Variants in CSF3R observed in about 807,000 individuals in gnomAD.
CSF3R encodes the protein colony stimulating factor 3 receptor, also known as granulocyte colony-stimulating factor receptor.
In CSF3R, 52 loss-of-function variants were observed where a neutral mutation model predicts 84.4. The observed-to-expected ratio is 0.62, with a 90% CI of 0.49 to 0.78. The LOEUF (loss-of-function observed/expected upper bound fraction) is 0.78. Ranked by LOEUF, CSF3R falls within the 30% of genes least tolerant of loss-of-function variation. CSF3R has a pLI of 0.00. For synonymous variants in CSF3R, 384 were observed against 429.1 expected (o/e 0.89, Z 1.30); for missense variants, 890 against 1,055.7 (o/e 0.84, Z 2.17).
intron 3 of CSF3R, 148 bp downstream of exon 3, chr1:36,479,285 A>G (rs1651370152): frequency 1.2e-6 from 1 of 816,978 alleles, no homozygotes; most frequent in Non-Finnish European, 2.1e-6. Context: ...TGGGTGGGAG[A>G]CCAGCTACCC....
rs3918018 is a variant in CSF3R, at chr1:36,472,277, C to T, written c.958G>A (p.Asp320Asn). ...CTCAGCTCCAGGCTGGGGCTCCAGTCGCTCCAGTGGCCAGGCAGGGGCCAG... is the reference window on the plus strand; with the variant it reads ...CTCAGCTCCAGGCTGGGGCTCCAGTTGCTCCAGTGGCCAGGCAGGGGCCAG... ...IRWPLPGHWSDWSPSLELRTT... is the reference protein window; with the variant it reads ...IRWPLPGHWSNWSPSLELRTT... Residue 320 changes from aspartate to asparagine, a missense_variant, in exon 8 of 17, where the codon GAC becomes AAC. Asp to Asn is a conservative substitution (Grantham distance 23). Coordinates refer to ENST00000373106, the MANE Select transcript of CSF3R (RefSeq NM_000760.4). The surrounding 1 kb of genome is among the most constrained non-coding windows in gnomAD (Gnocchi z 5.0). 0.026 allele frequency: 41,354 copies of T among 1,614,142 alleles called. 624 individuals are homozygous for T. The highest frequency in any genetic ancestry group is 0.031 in the Non-Finnish European group (36,043 of 1,180,022).
intron 2 of CSF3R, chr1:36,479,863 G>A: frequency 2.8e-6 from 1 of 362,702 alleles, no homozygotes; most frequent in Non-Finnish European, 5.4e-6. Flanking sequence ...AGCAGAACCT[G>A]AGATGAGGAA....
At chr1:36,470,699 G>A (rs1424780362) in intron 10 of CSF3R, among the ~76,000 whole-genome samples, 1 of 152,182 alleles carries the variant, frequency 6.6e-6, no homozygotes, top group African/African-American at 2.4e-5. Flanking sequence ...GGAAAGCAGT[G>A]GGTGGTGGCA....
At position 36,468,100 on chromosome 1, in the gene CSF3R, C is replaced by T. The variant is rs756733083; in HGVS notation, c.1698G>A (p.Trp566Ter). ...KSPLTHYTIFWTNAQNQSFSA... is the reference protein window; with the variant it reads ...KSPLTHYTIF ...AGAAGGACTGGTTCTGAGCGTTGGTCCAGAAGATGGTGTAGTGGGTAAGGG... is the reference window on the plus strand; with the variant it reads ...AGAAGGACTGGTTCTGAGCGTTGGTTCAGAAGATGGTGTAGTGGGTAAGGG... Residue 566 changes from tryptophan to a stop codon, truncating the protein, a stop_gained, in exon 13 of 17, where the codon TGG becomes TGA. Coordinates refer to ENST00000373106, the MANE Select transcript of CSF3R (RefSeq NM_000760.4). LOFTEE classifies it high-confidence loss of function. 2 of 1,614,222 alleles carry T rather than the reference C, an allele frequency of 1.2e-6. No individual in the cohort carries two copies. Among genetic ancestry groups the T allele is most frequent in the Non-Finnish European group, 8.5e-7 (1 of 1,180,044 alleles).
Position 36,467,521 on chromosome 1 carries a change from G to T in CSF3R, c.1958+37C>A. 6.3e-7 allele frequency: 1 copy of T among 1,591,436 alleles called. No homozygotes were observed. The highest frequency in any genetic ancestry group is 8.6e-7 in the Non-Finnish European group (1 of 1,160,308). ...CTGGACCTGAGGTTCCCTGTGGGTGGGGGAAGCAGGATCTCAGGTCTCTCA... is the reference window on the plus strand; with the variant it reads ...CTGGACCTGAGGTTCCCTGTGGGTGTGGGAAGCAGGATCTCAGGTCTCTCA... On this transcript the variant is annotated intron_variant, in intron 15 of 16. Coordinates refer to ENST00000373106, the MANE Select transcript of CSF3R (RefSeq NM_000760.4). The surrounding 1 kb of genome is among the most constrained non-coding windows in gnomAD (Gnocchi z 4.1).
rs746383447 is a variant in CSF3R at position 36,472,332 on chromosome 1, C to T, written c.903G>A (p.Thr301=). 5.4e-5 allele frequency: 87 copies of T among 1,614,044 alleles called. No homozygotes were observed. Among genetic ancestry groups the T allele is most frequent in the Middle Eastern group, 1.6e-4 (1 of 6,084 alleles). The change falls in exon 8 of 17, where the codon ACG becomes ACA. Residue 301 remains threonine (T), a synonymous_variant. Transcript: ENST00000373106. This position sits in a 1 kb window ranked among gnomAD's most constrained non-coding sequence, Gnocchi z 5.0. The part of the protein sequence containing the change: ...QYELCGLLPA[T]AYTLQIRCIR... ...TGCAGCGTATCTGCAGGGTGTAGGCCGTGGCTGGGAGGAGCCCGCAGAGCT... is the reference window on the plus strand; with the variant it reads ...TGCAGCGTATCTGCAGGGTGTAGGCTGTGGCTGGGAGGAGCCCGCAGAGCT...
At chr1:36,474,688 T>G (rs1651012141) in intron 4 of CSF3R, among the ~76,000 whole-genome samples, 1 of 152,140 alleles carries the variant, frequency 6.6e-6, no homozygotes, top group South Asian at 2.1e-4. Context: ...AACTCCATCC[T>G]GCTCAGTTTG....
Position 36,479,181 on chromosome 1 carries a change from G to C in CSF3R, c.64+252C>G, listed in dbSNP as rs3918009. The C allele has an allele frequency of 1.4e-3, 801 of 555,524 alleles. 5 individuals carry two copies. Among genetic ancestry groups the C allele is most frequent in the Middle Eastern group, 8.0e-3 (16 of 1,990 alleles). 34.4% of individuals were successfully genotyped at this position (555,524 alleles called of 1,614,324 possible). On this transcript the variant is annotated intron_variant, in intron 3 of 16. Coordinates refer to ENST00000373106, the MANE Select transcript of CSF3R (RefSeq NM_000760.4). ...TTCTGACAGCTTGGTAGAGATTTGC[G>C]GACAAGATCTGCGCCTCACTGGCCT... is the stretch of plus-strand genomic sequence containing the variant.
At chr1:36,478,550 C>CA (rs1262824486) in intron 3 of CSF3R, among the ~76,000 whole-genome samples, 2 of 151,176 alleles carry the variant, frequency 1.3e-5, no homozygotes, top group Non-Finnish European at 3.0e-5. Flanking sequence ...AAACAAAAAC[C>CA]AAAAAACATG....
chr1:36,475,856 T>C, intron 3 of CSF3R, 183 bp from the exon 4 acceptor site: 1 of 605,874 alleles, frequency 1.7e-6, no homozygotes, highest in Non-Finnish European at 2.9e-6. Flanking sequence ...GACACAGAGA[T>C]AGTGATGTGC....
intron 1 of CSF3R, among the ~76,000 whole-genome samples, chr1:36,482,336 G>A (rs1397007022): frequency 1.3e-5 from 2 of 151,712 alleles, no homozygotes; most frequent in African/African-American, 2.4e-5. Flanking sequence ...CCTGGAGCCC[G>A]GGAAGCGTCT....
Position 36,472,798 on chromosome 1 carries a change from A to T in CSF3R, c.674-112T>A, listed in dbSNP as rs750600979. 7 of 1,296,516 alleles carry T rather than the reference A, an allele frequency of 5.4e-6. No homozygotes were observed. Among genetic ancestry groups the T allele is most frequent in the Non-Finnish European group, 7.3e-6 (7 of 965,318 alleles). The allele number at this position is 1,296,516 out of a possible 1,614,324, so 80.3% of individuals were successfully genotyped here. A position where few individuals can be genotyped will look rare whatever the true frequency, so the allele number is the denominator to read the frequency against. On this transcript the variant is annotated intron_variant, in intron 6 of 16. Coordinates refer to ENST00000373106, the MANE Select transcript of CSF3R (RefSeq NM_000760.4). The surrounding 1 kb of genome is among the most constrained non-coding windows in gnomAD (Gnocchi z 5.0). Reference sequence around the variant, plus strand: ...TCACCATCTGTCCACGTTGCCAATGACACGTTTCTGTGGTTCGATCTCTAT... The same window carrying T: ...TCACCATCTGTCCACGTTGCCAATGTCACGTTTCTGTGGTTCGATCTCTAT...
intron 3 of CSF3R, 48 bp from the exon 4 acceptor site, chr1:36,475,721 G>A (rs748758361): frequency 1.3e-6 from 2 of 1,570,346 alleles, no homozygotes; most frequent in Admixed American, 3.5e-5. Context: ...GCCTAGCAGA[G>A]CTGGGCTATA....
At position 36,469,707 on chromosome 1, in the gene CSF3R, G is replaced by A; in HGVS notation, c.1419C>T (p.Ser473=). Residue 473 remains serine, a synonymous_variant, in exon 11 of 17, where the codon AGC becomes AGT. Coordinates refer to ENST00000373106, the MANE Select transcript of CSF3R (RefSeq NM_000760.4). ...TCTGTTCCATCCTCCAGGTCTTGTT[G>A]CTATTGCTCGCGCTGGGGGGGCCCA... The part of the protein sequence containing the change: ...WGLGPPSASN[S]NKTWRMEQNG... The A allele has an allele frequency of 6.2e-7, 1 of 1,614,180 alleles. No homozygotes were observed. The highest frequency in any genetic ancestry group is 8.5e-7 in the Non-Finnish European group (1 of 1,180,050).
At chr1:36,470,780 C>T (rs556291070) in intron 10 of CSF3R, among the ~76,000 whole-genome samples, 4 of 152,270 alleles carry the variant, frequency 2.6e-5, no homozygotes, top group Admixed American at 2.0e-4. Flanking sequence ...GGCTTTCTCT[C>T]TTGGCTTTCT....
chr1:36,479,815 C>T (rs773849057), intron 2 of CSF3R, among the ~76,000 whole-genome samples: 2 of 152,176 alleles, frequency 1.3e-5, no homozygotes, highest in Non-Finnish European at 2.9e-5. Context: ...GAGCATTCTT[C>T]CGCCTTCCCA....
chr1:36,466,330 G>C lies in CSF3R; in HGVS notation c.*27C>G. ...AGCTAGCTCAGGCCTTTAAGAGGCA[G>C]GCCCAAGAAGGGAACCCCAGGAAGC... On this transcript the variant is annotated 3_prime_UTR_variant, in exon 17 of 17. Coordinates refer to ENST00000373106, the MANE Select transcript of CSF3R (RefSeq NM_000760.4). The surrounding 1 kb of genome is among the most constrained non-coding windows in gnomAD (Gnocchi z 4.6). 2 of 1,612,210 alleles carry C rather than the reference G, an allele frequency of 1.2e-6. No homozygotes were observed. The highest frequency in any genetic ancestry group is 1.7e-6 in the Non-Finnish European group (2 of 1,179,880).
At chr1:36,470,435 TCAGCCTCC>T in intron 10 of CSF3R, among the ~76,000 whole-genome samples, 1 of 152,304 alleles carries the variant, frequency 6.6e-6, no homozygotes, top group Middle Eastern at 3.4e-3. Context: ...TCCGCCCGCC[TCAGCCTCC>T]CAAAGTGCTG....
Position 36,467,056 on chromosome 1 carries a change from G to A in CSF3R, c.2040+174C>T. The A allele has an allele frequency of 8.0e-7, 1 of 1,252,886 alleles. No homozygotes were observed. The highest frequency in any genetic ancestry group is 1.1e-6 in the Non-Finnish European group (1 of 879,062). The allele number at this position is 1,252,886 out of a possible 1,614,324, so 77.6% of individuals were successfully genotyped here. On this transcript the variant is annotated intron_variant, in intron 16 of 16. Coordinates refer to ENST00000373106, the MANE Select transcript of CSF3R (RefSeq NM_000760.4). The surrounding 1 kb of genome is among the most constrained non-coding windows in gnomAD (Gnocchi z 4.1). ...TTTTCCATATCACAGGGAGGTGACTGAGGCTTTGAGATGGACAGAGGTGGG... is the reference window on the plus strand; with the variant it reads ...TTTTCCATATCACAGGGAGGTGACTAAGGCTTTGAGATGGACAGAGGTGGG...
Sources: gnomAD v4.1 joint callset for allele counts (sites outside exome capture counted in the v4.1 genomes callset) on GRCh38, gnomAD v4.1.1 for gene constraint, Gnocchi (gnomAD v3.1) non-coding constraint, MANE v1.5 for transcripts, NCBI Gene and HGNC (gene_info 2026-07-23, HGNC 2026-07-21) for gene names.